Variants in APBA2 observed in about 807,000 individuals in gnomAD.
APBA2 encodes amyloid-beta A4 precursor protein-binding family A member 2.
In APBA2, 30 loss-of-function variants were observed where a neutral mutation model predicts 75.0. That is an observed-to-expected ratio of 0.40 (90% CI 0.30 to 0.54). The LOEUF is 0.54. Among genes scored for constraint, APBA2 ranks in the 20% least tolerant of loss-of-function variants. The probability of loss-of-function intolerance (pLI) is 0.49; values close to 1 mark genes in which losing one functional copy is unlikely to be tolerated. For missense variants in APBA2, 801 were observed against 1,016.1 expected (o/e 0.79, Z 2.88); for synonymous variants, 444 against 409.6 (o/e 1.08, Z -1.01).
At chr15:29,056,870 C>G (rs1363999787) in intron 4 of APBA2, among the ~76,000 whole-genome samples, 5 of 152,024 alleles carry the variant, frequency 3.3e-5, no homozygotes, top group Non-Finnish European at 7.4e-5. Flanking sequence ...TCTTTGAAAC[C>G]TGACCAGAAA....
Position 29,095,812 on chromosome 15 carries a change from C to T in APBA2, c.1251+1499C>T, listed in dbSNP as rs909056330. 4.6e-5 allele frequency among the ~76,000 whole-genome samples: 7 copies of T among 152,308 alleles called. No individual in the cohort carries two copies. In the East Asian group the frequency reaches 5.8e-4, roughly 13 times the overall value. On this transcript the variant is annotated intron_variant, in intron 8 of 14. Transcript: ENST00000683413. ...AGGATCATGCTCATGCTCCTCTTCC[C>T]GGGCTGATTTCCTCCAGGCAAGGCA...
rs1362784583 is a variant in APBA2 at position 28,921,688 on chromosome 15, A to G, written c.-156A>G. Reference sequence around the variant, plus strand: ...TGAATCTCCTGTGGACAAACCACCAATAGGCCAGGACTGTCCTGTGGACAG... The same window carrying G: ...TGAATCTCCTGTGGACAAACCACCAGTAGGCCAGGACTGTCCTGTGGACAG... On this transcript the variant is annotated 5_prime_UTR_variant, in exon 2 of 15. Coordinates refer to ENST00000683413, the MANE Select transcript of APBA2 (RefSeq NM_001353788.2). The G allele has an allele frequency of 6.6e-6, 1 of 152,212 alleles. No individual in the cohort carries two copies. The highest frequency in any genetic ancestry group is 1.9e-4 in the East Asian group (1 of 5,190). 9.4% of individuals were successfully genotyped at this position (152,212 alleles called of 1,614,324 possible).
At chr15:28,926,124 C>T (rs568340325) in intron 2 of APBA2, among the ~76,000 whole-genome samples, 7 of 152,014 alleles carry the variant, frequency 4.6e-5, no homozygotes, top group Admixed American at 3.9e-4. Context: ...GTTTTTTATC[C>T]ACTCTGAAAA....
chr15:29,036,708 A>G (rs2040771172), intron 3 of APBA2, among the ~76,000 whole-genome samples: 1 of 152,196 alleles, frequency 6.6e-6, no homozygotes, highest in Non-Finnish European at 1.5e-5. Context: ...TTACAGTGGT[A>G]ACATTTGTTT....
chr15:28,897,647 A>T (rs1441918328), intron 1 of APBA2, among the ~76,000 whole-genome samples: 6 of 150,492 alleles, frequency 4.0e-5, no homozygotes, highest in African/African-American at 1.5e-4. Context: ...AGAGAAAAAG[A>T]GCAGAAAATA....
intron 4 of APBA2, among the ~76,000 whole-genome samples, chr15:29,055,196 G>A (rs1195820237): frequency 1.3e-5 from 2 of 152,166 alleles, no homozygotes; most frequent in African/African-American, 2.4e-5. Flanking sequence ...CCTCAGGGGT[G>A]TACTCAGACC....
chr15:28,945,135 C>T lies in APBA2; in HGVS notation c.-95+23386C>T, dbSNP rs187462564. Among the ~76,000 whole-genome samples, 333 of 152,266 alleles carry T rather than the reference C, an allele frequency of 2.2e-3. 2 individuals are homozygous for T. The highest frequency in any genetic ancestry group is 6.9e-3 in the African/African-American group (286 of 41,546). ...ATCCACCTGGCAACTCACAGCCAGCCGCGGCGTCACTGTCAGGACTCTGTG... is the reference window on the plus strand; with the variant it reads ...ATCCACCTGGCAACTCACAGCCAGCTGCGGCGTCACTGTCAGGACTCTGTG... On this transcript the variant is annotated intron_variant, in intron 2 of 14. Coordinates refer to ENST00000683413, the MANE Select transcript of APBA2 (RefSeq NM_001353788.2).
In APBA2 at chr15:29,097,963, A is replaced by G. The variant is rs561927733; in HGVS notation, c.1252-527A>G. ...CACAGCATGTCCTCTAGGGTCATCCATGTGTTGGAAATGACATGGCTTTTT... is the reference window on the plus strand; with the variant it reads ...CACAGCATGTCCTCTAGGGTCATCCGTGTGTTGGAAATGACATGGCTTTTT... On this transcript the variant is annotated intron_variant, in intron 8 of 14. Coordinates refer to ENST00000683413, the MANE Select transcript of APBA2 (RefSeq NM_001353788.2). 3.3e-5 allele frequency among the ~76,000 whole-genome samples: 5 copies of G among 152,244 alleles called. No homozygotes were observed. In the East Asian group the frequency reaches 7.7e-4, roughly 24 times the overall value.
chr15:29,107,360 G>A (rs1395511815), intron 12 of APBA2, among the ~76,000 whole-genome samples: 1 of 152,128 alleles, frequency 6.6e-6, no homozygotes, highest in East Asian at 1.9e-4. Flanking sequence ...CGGCAGCTAG[G>A]GTGGGGGCCT....
chr15:28,940,917 A>G (rs2035185194), intron 2 of APBA2, among the ~76,000 whole-genome samples: 1 of 152,248 alleles, frequency 6.6e-6, no homozygotes, highest in Non-Finnish European at 1.5e-5. Flanking sequence ...CCACGAGGAT[A>G]GTGTTAAAAG....
At chr15:29,114,659 G>A (rs1405232466) in intron 14 of APBA2, among the ~76,000 whole-genome samples, 1 of 151,466 alleles carries the variant, frequency 6.6e-6, no homozygotes, top group Non-Finnish European at 1.5e-5. Context: ...GGGATGTGAT[G>A]TATGAGTGTG....
chr15:28,989,611 C>T (rs941141907), intron 2 of APBA2, among the ~76,000 whole-genome samples: 10 of 152,168 alleles, frequency 6.6e-5, no homozygotes, highest in African/African-American at 1.4e-4. Flanking sequence ...GAACGGAAAA[C>T]GAAATCCCAT....
At chr15:28,902,424 C>A (rs957410160) in intron 1 of APBA2, among the ~76,000 whole-genome samples, 7 of 152,194 alleles carry the variant, frequency 4.6e-5, no homozygotes, top group Admixed American at 4.6e-4. Flanking sequence ...CTCTGAGATG[C>A]TGTCACAGCC....
At position 29,113,893 on chromosome 15, in the gene APBA2, A is replaced by G. The variant is rs201143139; in HGVS notation, c.2055A>G (p.Arg685=). 1.3e-4 allele frequency: 202 copies of G among 1,611,996 alleles called. No individual in the cohort carries two copies. The African/African-American group carries it at 2.3e-3, about 19-fold the overall frequency. ...CTGCTTAGATCTGCAGCCTCATGAG[A>G]GGGGGCATTGCTGAGCGAGGGGGCG... ...VQNGIICSLM[R]GGIAERGGVR... Residue 685 remains arginine, a synonymous_variant, in exon 14 of 15, where the codon AGA becomes AGG. Transcript: ENST00000683413.
chr15:29,006,220 G>C (rs2039107581), intron 3 of APBA2, among the ~76,000 whole-genome samples: 1 of 152,188 alleles, frequency 6.6e-6, no homozygotes, highest in Non-Finnish European at 1.5e-5. Context: ...ACACAAAGCT[G>C]TTATAACTAA....
At chr15:29,013,981 C>T (rs2039531962) in intron 3 of APBA2, among the ~76,000 whole-genome samples, 2 of 152,244 alleles carry the variant, frequency 1.3e-5, no homozygotes, top group Admixed American at 6.5e-5. Flanking sequence ...AACTTTACTG[C>T]TGCCATCCCT....
chr15:28,930,089 G>A (rs1230159348), intron 2 of APBA2, among the ~76,000 whole-genome samples: 4 of 152,184 alleles, frequency 2.6e-5, no homozygotes, highest in Non-Finnish European at 5.9e-5. Context: ...GTGGAAGGGG[G>A]GCAAAAGCTA....
intron 3 of APBA2, among the ~76,000 whole-genome samples, chr15:29,012,021 C>T (rs184678585): frequency 6.6e-6 from 1 of 152,138 alleles, no homozygotes; most frequent in Non-Finnish European, 1.5e-5. Flanking sequence ...AGAGATGTTG[C>T]GAAGATAGTA....
intron 2 of APBA2, among the ~76,000 whole-genome samples, chr15:28,985,378 G>T (rs981995338): frequency 1.3e-5 from 2 of 152,148 alleles, no homozygotes; most frequent in African/African-American, 4.8e-5. Context: ...AAACAACATC[G>T]GGTCCAGATT....
Sources: gnomAD v4.1 joint callset for allele counts (sites outside exome capture counted in the v4.1 genomes callset) on GRCh38, gnomAD v4.1.1 for gene constraint, MANE v1.5 for transcripts, NCBI Gene and HGNC (gene_info 2026-07-23, HGNC 2026-07-21) for gene names.